Variants in ABCB4 observed in about 807,000 individuals in gnomAD.
ABCB4 encodes the protein ATP binding cassette subfamily B member 4, also known as phosphatidylcholine translocator ABCB4.
ABCB4 carries 76 observed loss-of-function variants against 145.7 expected under a neutral mutation model. That is an observed-to-expected ratio of 0.52 (90% CI 0.43 to 0.63). The LOEUF (loss-of-function observed/expected upper bound fraction) is 0.63. Among genes scored for constraint, ABCB4 ranks in the 30% least tolerant of loss-of-function variants. ABCB4 has a pLI of 0.00. For synonymous variants in ABCB4, 517 were observed against 566.8 expected, an observed-to-expected ratio of 0.91 and a Z score of 1.25; for missense variants, 1,234 against 1,553.1, an observed-to-expected ratio of 0.79 and a Z score of 3.45.
chr7:87,375,928 A>T, the ABCB4 span: 1 of 1,611,432 alleles, frequency 6.2e-7, no homozygotes, highest in Non-Finnish European at 8.5e-7. Flanking sequence ...AGCAGTCCAC[A>T]TGTAACACCA....
At chr7:87,384,356 AC>A in the ABCB4 span, among the ~76,000 whole-genome samples, 11 of 151,936 alleles carry the variant, frequency 7.2e-5, no homozygotes, top group African/African-American at 2.4e-4. Context: ...ACATAGCGAA[AC>A]CCTGTCTCTA....
chr7:87,382,463 G>A, the ABCB4 span: 1 of 1,613,934 alleles, frequency 6.2e-7, no homozygotes, highest in Non-Finnish European at 8.5e-7. Context: ...TTGGCAAAAA[G>A]CTAACCAAGA....
downstream of ABCB4, chr7:87,398,330 A>T (rs1405763163): frequency 1.1e-5 from 8 of 710,008 alleles, no homozygotes; most frequent in Middle Eastern, 2.3e-4. Context: ...CTAGTCATCT[A>T]ATGAATGAGG....
intron 3 of ABCB4, among the ~76,000 whole-genome samples, chr7:87,465,046 C>T (rs1050566115): frequency 6.6e-5 from 10 of 152,158 alleles, no homozygotes; most frequent in East Asian, 1.9e-4. Flanking sequence ...GTAGGTGCAG[C>T]GCACCGAGCA....
intron 20 of ABCB4, among the ~76,000 whole-genome samples, chr7:87,417,762 C>T (rs1809088826): frequency 6.6e-6 from 1 of 152,228 alleles, no homozygotes; most frequent in South Asian, 2.1e-4. Flanking sequence ...AAGTAATCAA[C>T]TTCTCTGCTT....
chr7:87,421,987 C>A (rs990509288), intron 18 of ABCB4, 134 bp downstream of exon 18: 2 of 688,664 alleles, frequency 2.9e-6, no homozygotes, highest in Non-Finnish European at 5.1e-6. Context: ...AGGAGTCTAC[C>A]CTCCAGCAGA....
At chr7:87,475,163 CT>C (rs1563011965) in intron 2 of ABCB4, among the ~76,000 whole-genome samples, 2 of 152,178 alleles carry the variant, frequency 1.3e-5, no homozygotes, top group Non-Finnish European at 2.9e-5. Flanking sequence ...TCAAGACAGC[CT>C]TTTCTTCCTG....
intron 5 of ABCB4, among the ~76,000 whole-genome samples, chr7:87,453,432 C>G (rs1811895204): frequency 2.0e-5 from 3 of 152,278 alleles, no homozygotes; most frequent in African/African-American, 7.2e-5. Context: ...GATCTGCTCA[C>G]CTCCGCCTCC....
At position 87,408,065 on chromosome 7, in the gene ABCB4, C is replaced by T. The variant is rs147171162; in HGVS notation, c.3251G>A (p.Arg1084Gln). ...TGTCCCCGCCAAGGGGTCGTAGAAC[C>T]GCTCCAGGAGCTGGACCACCGTGCT... ...GKSTVVQLLE[R>Q]FYDPLAGTVL... The change falls in exon 25 of 28, where the codon CGG becomes CAG. Residue 1084 changes from arginine (R) to glutamine (Q), a missense_variant. By Grantham distance (43) the Arg-to-Gln change is conservative. Transcript: ENST00000649586. The T allele has an allele frequency of 6.4e-5, 104 of 1,613,874 alleles. No homozygotes were observed. In the African/African-American group the frequency reaches 1.1e-3, roughly 16 times the overall value.
In ABCB4 at chr7:87,439,767, G is replaced by A; in HGVS notation, c.1631C>T (p.Ala544Val). ...SGGQKQRIAI[A>V]RALVRNPKIL... Reference sequence around the variant, plus strand: ...CTTGGGGTTGCGAACCAGGGCACGTGCAATGGCGATCCTCTGCTTCTGCCC... The same window carrying A: ...CTTGGGGTTGCGAACCAGGGCACGTACAATGGCGATCCTCTGCTTCTGCCC... Residue 544 changes from alanine to valine, a missense_variant, in exon 14 of 28, where the codon GCA (alanine) becomes GTA (valine). This residue lies in a region of ABCB4 where 467 missense variants were observed against 632.8 expected (regional missense o/e 0.74). Transcript: ENST00000649586. The A allele has an allele frequency of 1.2e-6, 2 of 1,614,182 alleles. No homozygotes were observed. The highest frequency in any genetic ancestry group is 2.2e-5 in the East Asian group (1 of 44,870).
intron 15 of ABCB4, among the ~76,000 whole-genome samples, chr7:87,428,979 C>T (rs1423163424): frequency 6.6e-6 from 1 of 152,084 alleles, no homozygotes; most frequent in Non-Finnish European, 1.5e-5. Context: ...AATTAAGATA[C>T]ATTTAAAAGA....
chr7:87,371,260 A>T, the ABCB4 span, among the ~76,000 whole-genome samples: 2 of 152,138 alleles, frequency 1.3e-5, no homozygotes, highest in Non-Finnish European at 2.9e-5. Context: ...TTTGTTTGAC[A>T]TGAGGCATGG....
At position 87,408,022 on chromosome 7, in the gene ABCB4, A is replaced by T; in HGVS notation, c.3279+15T>A. 6.2e-7 allele frequency: 1 copy of T among 1,612,926 alleles called. No homozygotes were observed. Among genetic ancestry groups the T allele is most frequent in the South Asian group, 1.1e-5 (1 of 91,030 alleles). On this transcript the variant is annotated intron_variant, in intron 25 of 27. Transcript: ENST00000649586. ...AAATATAGCCTTCAATCAAGTTATA[A>T]GGAAATGTGCTCACCACTGTCCCCG...
rs1811143904 is a variant in ABCB4, at chr7:87,443,643, A to G, written c.1230+20T>C. On this transcript the variant is annotated intron_variant, in intron 11 of 27. Coordinates refer to ENST00000649586, the MANE Select transcript of ABCB4 (RefSeq NM_000443.4). The stretch of plus-strand genomic sequence containing the variant: ...CAATCAACCTCAGTTAGGAATTCCT[A>G]TAAATATTACTTACAGTACCTTGAC... 6.2e-7 allele frequency: 1 copy of G among 1,600,532 alleles called. No individual in the cohort carries two copies. Among genetic ancestry groups the G allele is most frequent in the African/African-American group, 1.3e-5 (1 of 74,648 alleles).
chr7:87,443,776 A>G lies in ABCB4; in HGVS notation c.1120-3T>C. 1 of 1,596,172 alleles carries G rather than the reference A, an allele frequency of 6.3e-7. No homozygotes were observed. Among genetic ancestry groups the G allele is most frequent in the Admixed American group, 1.7e-5 (1 of 59,998 alleles). On this transcript the variant is annotated splice_polypyrimidine_tract_variant and splice_region_variant and intron_variant, in intron 10 of 27. Transcript: ENST00000649586. ...GAAAAACTGTCAATTTTAGGATTCT[A>G]AATAAAACAAAATGTAATGACTATT... is the stretch of plus-strand genomic sequence containing the variant.
chr7:87,449,973 C>CA lies in ABCB4; in HGVS notation c.827dup (p.Glu277GlyfsTer16), dbSNP rs1474924854. The CA allele has an allele frequency of 6.2e-7, 1 of 1,614,086 alleles. No homozygotes were observed. ...GGCTAAAGAACCTTCCTGACCTTTCCAGCTCTTTGTTCTGGCCCCCGAAAG... is the reference window on the plus strand; with the variant it reads ...GGCTAAAGAACCTTCCTGACCTTTCCAAGCTCTTTGTTCTGGCCCCCGAAAG... On this transcript the variant is annotated frameshift_variant, in exon 8 of 28. Coordinates refer to ENST00000649586, the MANE Select transcript of ABCB4 (RefSeq NM_000443.4). LOFTEE classifies it high-confidence loss of function.
intron 24 of ABCB4, 47 bp downstream of exon 24, chr7:87,409,189 C>A (rs746343468): frequency 6.2e-7 from 1 of 1,611,754 alleles, no homozygotes; most frequent in East Asian, 2.2e-5. Flanking sequence ...AGACAGCAAA[C>A]CTTAGGGAAA....
chr7:87,396,965 C>T (rs1216989839), downstream of ABCB4, among the ~76,000 whole-genome samples: 1 of 152,164 alleles, frequency 6.6e-6, no homozygotes, highest in African/African-American at 2.4e-5. Context: ...AACTGCTTCT[C>T]TACTATTTTG....
chr7:87,371,822 CTCTATAAA>C, the ABCB4 span, among the ~76,000 whole-genome samples: 1 of 151,860 alleles, frequency 6.6e-6, no homozygotes, highest in Admixed American at 6.6e-5. Flanking sequence ...GGGACCCTGT[CTCTATAAA>C]AAGTTAAAAA....
Sources: allele counts gnomAD v4.1 joint callset (sites outside exome capture counted in the v4.1 genomes callset), GRCh38; gene constraint gnomAD v4.1.1; regional missense constraint gnomAD v4.1.1; transcripts MANE v1.5; gene names NCBI Gene and HGNC (gene_info 2026-07-23, HGNC 2026-07-21).